Variants in PPFIA1 observed in about 807,000 individuals in gnomAD.
The protein encoded by PPFIA1 is liprin-alpha-1.
A neutral mutation model predicts 149.9 loss-of-function variants in PPFIA1; 25 were observed. The observed-to-expected ratio is 0.17, with a 90% confidence interval of 0.12 to 0.23. The LOEUF (loss-of-function observed/expected upper bound fraction) is 0.23. PPFIA1 is among the 10% of genes least tolerant of loss of function. The pLI is 1.00. For synonymous variants in PPFIA1, 549 were observed against 552.8 expected (o/e 0.99, Z 0.10); for missense variants, 1,362 against 1,506.5 (o/e 0.90, Z 1.59).
At chr11:70,279,996 C>CT (rs2050655301) in intron 2 of PPFIA1, among the ~76,000 whole-genome samples, 1 of 149,938 alleles carries the variant, frequency 6.7e-6, no homozygotes, top group South Asian at 2.1e-4. Context: ...GCAGCATCTG[C>CT]CTTCTGGGCT....
At chr11:70,271,986 G>A (rs2050123350) in intron 1 of PPFIA1, 187 bp from the exon 2 acceptor site, 1 of 691,990 alleles carries the variant, frequency 1.4e-6, no homozygotes, top group South Asian at 1.8e-5. Flanking sequence ...ATGTCTTCAT[G>A]TTGTGTATTT....
rs150538251 is a variant in PPFIA1 at position 70,354,363 on chromosome 11, G to A, written c.2226G>A (p.Pro742=). ...CAACCATAAAGTGTGAAACCTCCCC[G>A]CCTTCCTCCCCGAGAGCCCTTCGGT... The part of the protein sequence containing the change: ...DKTTIKCETS[P]PSSPRALRLD... Residue 742 remains proline, a synonymous_variant, in exon 17 of 28, where the codon CCG becomes CCA. Transcript: ENST00000253925. 12 of 1,613,982 alleles carry A rather than the reference G, an allele frequency of 7.4e-6. No homozygotes were observed. Among genetic ancestry groups the A allele is most frequent in the African/African-American group, 4.0e-5 (3 of 74,980 alleles).
intron 2 of PPFIA1, among the ~76,000 whole-genome samples, chr11:70,277,823 A>G (rs1313501345): frequency 1.3e-5 from 2 of 151,534 alleles, no homozygotes; most frequent in African/African-American, 4.9e-5. Flanking sequence ...TTTCTACGGT[A>G]TTTCTTTGAG....
intron 26 of PPFIA1, among the ~76,000 whole-genome samples, chr11:70,379,247 A>C (rs1481499088): frequency 6.6e-6 from 1 of 152,018 alleles, no homozygotes; most frequent in African/African-American, 2.4e-5. Flanking sequence ...TGAGGCCAGG[A>C]GTTTGAGACC....
chr11:70,314,341 T>C (rs2136584765), intron 2 of PPFIA1, among the ~76,000 whole-genome samples: 1 of 152,242 alleles, frequency 6.6e-6, no homozygotes, highest in Non-Finnish European at 1.5e-5. Flanking sequence ...GAAACAGAAC[T>C]GAAGACCGAG....
At chr11:70,372,606 A>T in intron 23 of PPFIA1, 32 bp downstream of exon 23, 1 of 1,542,870 alleles carries the variant, frequency 6.5e-7, no homozygotes, top group Non-Finnish European at 8.9e-7. Flanking sequence ...GATTCGGTTT[A>T]CTCCTACTTG....
Position 70,356,267 on chromosome 11 carries a change from T to C in PPFIA1, c.2582+13T>C, listed in dbSNP as rs2056357374. On this transcript the variant is annotated intron_variant, in intron 19 of 27. Coordinates refer to ENST00000253925, the MANE Select transcript of PPFIA1 (RefSeq NM_003626.5). ...AACTTCAAAAAAAGTAAGCTTTGTGTTATTTCTTCATCTCATTGAATGGTT... is the reference window on the plus strand; with the variant it reads ...AACTTCAAAAAAAGTAAGCTTTGTGCTATTTCTTCATCTCATTGAATGGTT... 1 of 1,601,866 alleles carries C rather than the reference T, an allele frequency of 6.2e-7. No homozygotes were observed. The highest frequency in any genetic ancestry group is 8.6e-7 in the Non-Finnish European group (1 of 1,169,512).
At chr11:70,337,995 G>T (rs2055086777) in intron 12 of PPFIA1, among the ~76,000 whole-genome samples, 1 of 152,190 alleles carries the variant, frequency 6.6e-6, no homozygotes, top group African/African-American at 2.4e-5. Context: ...AGGGATGGGT[G>T]CATACTTGAT....
intron 21 of PPFIA1, chr11:70,365,381 A>C (rs1185440935): frequency 2.2e-6 from 1 of 456,480 alleles, no homozygotes; most frequent in African/African-American, 2.0e-5. Context: ...AGACCACAGG[A>C]AATGTCTGGT....
intron 2 of PPFIA1, among the ~76,000 whole-genome samples, chr11:70,289,841 C>A (rs1227510408): frequency 6.6e-6 from 1 of 152,214 alleles, no homozygotes; most frequent in East Asian, 1.9e-4. Context: ...ACTTGAGAGG[C>A]TGAGGTGGGA....
intron 4 of PPFIA1, 96 bp from the exon 5 acceptor site, chr11:70,325,404 T>C: frequency 1.4e-6 from 1 of 696,602 alleles, no homozygotes; most frequent in Non-Finnish European, 2.4e-6. Flanking sequence ...TACACTAATA[T>C]ATACATTAAG....
intron 8 of PPFIA1, 32 bp from the exon 9 acceptor site, chr11:70,331,928 T>C (rs2054693822): frequency 6.3e-7 from 1 of 1,587,814 alleles, no homozygotes; most frequent in African/African-American, 1.4e-5. Context: ...AGAAGATTTG[T>C]TGCATTTTGA....
intron 7 of PPFIA1, chr11:70,327,857 C>G (rs1271513229): frequency 1.3e-5 from 2 of 152,146 alleles, no homozygotes; most frequent in Non-Finnish European, 1.5e-5. Context: ...ACTTTCTAAC[C>G]TGCGCTTTGT....
intron 8 of PPFIA1, among the ~76,000 whole-genome samples, chr11:70,331,107 C>T (rs556508898): frequency 6.6e-6 from 1 of 151,982 alleles, no homozygotes; most frequent in East Asian, 1.9e-4. Flanking sequence ...TGGCGCGCAT[C>T]TGTAATCCCA....
Position 70,332,108 on chromosome 11 carries a change from C to G in PPFIA1, c.1212+14C>G, listed in dbSNP as rs2054702965. ...GCGCTTTCCAAGGTAGTGCCATGAG[C>G]TTCATTCTGGTTCGGCTGCCAGGCC... On this transcript the variant is annotated intron_variant, in intron 9 of 27. Coordinates refer to ENST00000253925, the MANE Select transcript of PPFIA1 (RefSeq NM_003626.5). The G allele has an allele frequency of 1.3e-6, 2 of 1,575,024 alleles. No homozygotes were observed. Among genetic ancestry groups the G allele is most frequent in the Non-Finnish European group, 1.7e-6 (2 of 1,164,180 alleles).
At position 70,355,195 on chromosome 11, in the gene PPFIA1, G is replaced by A. The variant is rs577236425; in HGVS notation, c.2316-444G>A. 1.0e-3 allele frequency among the ~76,000 whole-genome samples: 159 copies of A among 152,274 alleles called. 2 individuals carry two copies. The South Asian group carries it at 0.018, about 17-fold the overall frequency. ...TGGGATTACAGGCGTGAGCCACCGC[G>A]CCCGGCCCCTCTTTTTTTAAATTCC... On this transcript the variant is annotated intron_variant, in intron 17 of 27. Transcript: ENST00000253925.
At chr11:70,286,745 TC>T (rs1192010346) in intron 2 of PPFIA1, among the ~76,000 whole-genome samples, 1 of 150,034 alleles carries the variant, frequency 6.7e-6, no homozygotes, top group Admixed American at 6.6e-5. Context: ...GCAAGATCTT[TC>T]TTTCTTTCTT....
chr11:70,319,615 C>G (rs966231409), intron 2 of PPFIA1, among the ~76,000 whole-genome samples: 2 of 152,184 alleles, frequency 1.3e-5, no homozygotes, highest in Admixed American at 6.5e-5. Flanking sequence ...ATGCTAATGA[C>G]TGACTGAGAC....
intron 16 of PPFIA1, 77 bp from the exon 17 acceptor site, chr11:70,354,224 A>G: frequency 7.0e-7 from 1 of 1,428,390 alleles, no homozygotes; most frequent in Non-Finnish European, 9.5e-7. Context: ...TTTTCAAAGA[A>G]GTTTATGGCT....
Sources: allele counts gnomAD v4.1 joint callset (sites outside exome capture counted in the v4.1 genomes callset), GRCh38; gene constraint gnomAD v4.1.1; transcripts MANE v1.5; gene names NCBI Gene and HGNC (gene_info 2026-07-23, HGNC 2026-07-21).